The following DAPK2 variants were observed in gnomAD, a reference collection of about 807,000 sequenced individuals.
DAPK2 encodes death-associated protein kinase 2.
In DAPK2, 35 loss-of-function variants were observed where a neutral mutation model predicts 44.1. The observed-to-expected ratio is 0.79, with a 90% CI of 0.61 to 1.05. DAPK2 has a LOEUF of 1.05. Among genes scored for constraint, DAPK2 ranks in the 50% least tolerant of loss-of-function variants. The pLI is 0.00. For missense variants in DAPK2, 453 were observed against 483.2 expected, an observed-to-expected ratio of 0.94 and a Z score of 0.59; for synonymous variants, 174 against 182.6, an observed-to-expected ratio of 0.95 and a Z score of 0.38.
intron 3 of DAPK2, among the ~76,000 whole-genome samples, chr15:63,969,717 G>C (rs1251941029): frequency 6.6e-6 from 1 of 150,902 alleles, no homozygotes; most frequent in African/African-American, 2.4e-5. Context: ...TTCCAGTTGG[G>C]TGACAGAGCG....
intron 1 of DAPK2, among the ~76,000 whole-genome samples, chr15:64,026,939 A>G (rs1008835192): frequency 2.0e-5 from 3 of 152,164 alleles, no homozygotes; most frequent in African/African-American, 4.8e-5. Context: ...GGAACTTCAA[A>G]ATATCCATGA....
upstream of DAPK2, among the ~76,000 whole-genome samples, chr15:64,044,520 C>A (rs528569427): frequency 1.3e-5 from 2 of 152,266 alleles, no homozygotes; most frequent in South Asian, 4.1e-4. Context: ...CAAGAGGAAG[C>A]TGAGATCCAG....
intron 3 of DAPK2, among the ~76,000 whole-genome samples, chr15:63,952,532 G>A (rs559965549): frequency 6.6e-5 from 10 of 152,232 alleles, no homozygotes; most frequent in Admixed American, 5.9e-4. Flanking sequence ...ACAGAAATAG[G>A]GCTAAGGCAG....
At chr15:63,982,417 C>CT (rs1197528445) in intron 2 of DAPK2, among the ~76,000 whole-genome samples, 10 of 151,922 alleles carry the variant, frequency 6.6e-5, no homozygotes, top group Non-Finnish European at 1.3e-4. Flanking sequence ...TCTCAAACTC[C>CT]GACCTTGTGA....
Position 63,923,143 on chromosome 15 carries a change from G to A in DAPK2, c.858+1673C>T, listed in dbSNP as rs775090773. 165 of 1,535,820 alleles carry A rather than the reference G, an allele frequency of 1.1e-4. 1 individual carries two copies. The highest frequency in any genetic ancestry group is 1.5e-4 in the East Asian group (6 of 40,900). On this transcript the variant is annotated intron_variant, in intron 8 of 10. Transcript: ENST00000261891. This position sits in a 1 kb window ranked among gnomAD's most constrained non-coding sequence, Gnocchi z 4.2. ...CCTCCACATCGTCCTGGATGGTATC[G>A]TGGGCCTCCACCAGGGCACGGCATC...
At chr15:64,010,385 ATAT>A (rs1294863635) in intron 1 of DAPK2, among the ~76,000 whole-genome samples, 2 of 152,230 alleles carry the variant, frequency 1.3e-5, no homozygotes, top group African/African-American at 4.8e-5. Flanking sequence ...AATAGTAATA[ATAT>A]AACAACAGTA....
intron 1 of DAPK2, among the ~76,000 whole-genome samples, chr15:63,991,576 G>C (rs2078819898): frequency 7.8e-6 from 1 of 128,096 alleles, no homozygotes; most frequent in African/African-American, 2.7e-5. Flanking sequence ...TTTTGGAGAG[G>C]CATCCAGAGC....
chr15:63,959,427 T>C (rs1413804237), intron 3 of DAPK2, among the ~76,000 whole-genome samples: 1 of 152,196 alleles, frequency 6.6e-6, no homozygotes, highest in Non-Finnish European at 1.5e-5. Context: ...ATTCCTGTCT[T>C]GTGCCAGTTT....
At chr15:64,046,355 C>A (rs865988920), upstream of DAPK2, 50 of 352,306 alleles carry the variant, frequency 1.4e-4, 2 homozygotes, top group East Asian at 4.6e-4. The surrounding 1 kb of genome is among the most constrained non-coding windows in gnomAD (Gnocchi z 5.3). Context: ...GAGCGGCGGG[C>A]GCGGCGGGCG....
intron 8 of DAPK2, among the ~76,000 whole-genome samples, chr15:63,914,563 G>C (rs1209021838): frequency 6.6e-6 from 1 of 152,138 alleles, no homozygotes; most frequent in African/African-American, 2.4e-5. Context: ...AATCTGTGCT[G>C]AAGACCTTGC....
chr15:64,036,334 T>C (rs796400181), intron 1 of DAPK2, among the ~76,000 whole-genome samples: 4 of 125,710 alleles, frequency 3.2e-5, no homozygotes, highest in Admixed American at 8.9e-5. Flanking sequence ...TATATATATA[T>C]ATACATATAT....
intron 1 of DAPK2, among the ~76,000 whole-genome samples, chr15:64,018,608 G>A (rs2079600066): frequency 6.6e-6 from 1 of 152,132 alleles, no homozygotes; most frequent in African/African-American, 2.4e-5. Context: ...CCACAACCCA[G>A]GCCACCTGGC....
chr15:63,934,902 T>C (rs1245726352), intron 4 of DAPK2, among the ~76,000 whole-genome samples: 9 of 152,172 alleles, frequency 5.9e-5, no homozygotes, highest in Admixed American at 5.9e-4. Context: ...ATTTGCTTAA[T>C]ATTTACTGAT....
chr15:64,022,878 G>T (rs2079731573), intron 1 of DAPK2, among the ~76,000 whole-genome samples: 1 of 152,108 alleles, frequency 6.6e-6, no homozygotes, highest in African/African-American at 2.4e-5. Flanking sequence ...TCCCTCAAAG[G>T]GGGTTAGACA....
intron 1 of DAPK2, among the ~76,000 whole-genome samples, chr15:63,987,010 G>T (rs1036963386): frequency 3.9e-5 from 6 of 152,212 alleles, no homozygotes; most frequent in Admixed American, 2.6e-4. Context: ...GAATCAGAGG[G>T]GAGGGGTTGT....
chr15:63,978,109 AAG>A (rs2140810078), intron 2 of DAPK2, among the ~76,000 whole-genome samples: 1 of 152,366 alleles, frequency 6.6e-6, no homozygotes, highest in East Asian at 1.9e-4. Flanking sequence ...TAAAAGAAGA[AAG>A]AAAGAAATAA....
intron 3 of DAPK2, among the ~76,000 whole-genome samples, chr15:63,962,883 G>A (rs2077950556): frequency 2.0e-5 from 3 of 152,214 alleles, no homozygotes; most frequent in Admixed American, 1.3e-4. Flanking sequence ...AAATCTGTCA[G>A]ACAAGGACGT....
intron 4 of DAPK2, 143 bp from the exon 6 acceptor site, chr15:63,930,598 A>C: frequency 1.3e-6 from 1 of 751,644 alleles, no homozygotes; most frequent in South Asian, 1.6e-5. Flanking sequence ...GGTGATCTGC[A>C]TCTAAGATTC....
intron 3 of DAPK2, among the ~76,000 whole-genome samples, chr15:63,948,455 A>T (rs960976843): frequency 6.6e-6 from 1 of 151,858 alleles, no homozygotes; most frequent in African/African-American, 2.4e-5. Flanking sequence ...GAGAGAGGGG[A>T]GGTGCCTCAC....
Sources: gnomAD v4.1 joint callset for allele counts (sites outside exome capture counted in the v4.1 genomes callset) on GRCh38, gnomAD v4.1.1 for gene constraint, Gnocchi (gnomAD v3.1) non-coding constraint, MANE v1.5 for transcripts, NCBI Gene and HGNC (gene_info 2026-07-23, HGNC 2026-07-21) for gene names.